The following SPATA13 variants were observed in gnomAD, a reference collection of about 807,000 sequenced individuals.
SPATA13 encodes the protein spermatogenesis associated 13, also known as spermatogenesis-associated protein 13.
Under a neutral mutation model 104.0 loss-of-function variants are expected in SPATA13, and 50 were observed. That is an observed-to-expected ratio of 0.48 (90% confidence interval 0.38 to 0.61). The LOEUF is 0.61. Ranked by LOEUF, SPATA13 falls within the 20% of genes least tolerant of loss-of-function variation. SPATA13 has a pLI of 0.00. For missense variants in SPATA13, 1,524 were observed against 1,690.6 expected (o/e 0.90, Z 1.73); for synonymous variants, 606 against 667.5 (o/e 0.91, Z 1.42).
intron 3 of SPATA13, among the ~76,000 whole-genome samples, chr13:24,069,383 A>G (rs968727779): frequency 4.6e-5 from 7 of 152,262 alleles, no homozygotes; most frequent in Admixed American, 2.0e-4. Context: ...CTTTTTGCCA[A>G]TTGTGAATGG....
intron 2 of SPATA13, among the ~76,000 whole-genome samples, chr13:24,234,777 T>C (rs1190743594): frequency 6.6e-6 from 1 of 152,158 alleles, no homozygotes; most frequent in African/African-American, 2.4e-5. Context: ...TGCCCTGCAC[T>C]GATCTAGTAA....
chr13:23,993,438 C>T (rs1875508582), intron 2 of SPATA13, among the ~76,000 whole-genome samples: 1 of 152,216 alleles, frequency 6.6e-6, no homozygotes, highest in Non-Finnish European at 1.5e-5. Flanking sequence ...ACATATTTCC[C>T]TTGTCTGCAC....
intron 3 of SPATA13, among the ~76,000 whole-genome samples, chr13:24,107,078 A>G (rs1035336813): frequency 1.3e-5 from 2 of 151,880 alleles, no homozygotes; most frequent in African/African-American, 2.4e-5. Context: ...GAAGAAATTT[A>G]TGCTTGCCAG....
intron 4 of SPATA13, among the ~76,000 whole-genome samples, chr13:24,264,238 T>C (rs1874190718): frequency 6.6e-6 from 1 of 152,086 alleles, no homozygotes; most frequent in African/African-American, 2.4e-5. Flanking sequence ...TTATTGAAAA[T>C]ATCGTCTGTC....
intron 2 of SPATA13, among the ~76,000 whole-genome samples, chr13:24,005,338 A>T (rs1876172738): frequency 6.6e-6 from 1 of 152,250 alleles, no homozygotes; most frequent in Admixed American, 6.5e-5. Context: ...TAGAGGCGAG[A>T]ATTGGAGATC....
rs375569975 is a variant in SPATA13 at position 24,289,124 on chromosome 13, G to T, written c.2793G>T (p.Gln931His). ...AGTTTCTGAAAGACCTTGAGAAACAGTACAACAAAGAGGAACCTCACTTAA... is the reference window on the plus strand; with the variant it reads ...AGTTTCTGAAAGACCTTGAGAAACATTACAACAAAGAGGAACCTCACTTAA... ...QRKFLKDLEK[Q>H]YNKEEPHLSE... The change falls in exon 8 of 13, where the codon CAG (glutamine) becomes CAT (histidine). Residue 931 changes from glutamine to histidine, a missense_variant. Around this residue, in one of 2 missense-constraint regions of SPATA13, gnomAD observed 435 missense variants for 554.8 expected, o/e 0.78. Coordinates refer to ENST00000382108, the MANE Select transcript of SPATA13 (RefSeq NM_001166271.3). 1 of 1,612,952 alleles carries T rather than the reference G, an allele frequency of 6.2e-7. No individual in the cohort carries two copies. The highest frequency in any genetic ancestry group is 1.3e-5 in the African/African-American group (1 of 74,872).
intron 3 of SPATA13, among the ~76,000 whole-genome samples, chr13:24,074,613 T>C (rs1472082167): frequency 6.8e-6 from 1 of 146,460 alleles, no homozygotes; most frequent in Non-Finnish European, 1.5e-5. Flanking sequence ...ATTATCTAAA[T>C]TTTACCAATG....
rs773591592 is a variant in SPATA13 at position 24,284,305 on chromosome 13, G to A, written c.2301+34G>A. 9.4e-6 allele frequency: 15 copies of A among 1,589,120 alleles called. No individual in the cohort carries two copies. In the South Asian group the frequency reaches 1.2e-4, roughly 13 times the overall value. On this transcript the variant is annotated intron_variant, in intron 5 of 12. Coordinates refer to ENST00000382108, the MANE Select transcript of SPATA13 (RefSeq NM_001166271.3). ...ATTCCACACGACAGTAGTGGATACG[G>A]GATACCTGATTTTCAGGGTCCACAA...
intron 3 of SPATA13, among the ~76,000 whole-genome samples, chr13:24,108,371 G>A (rs17080053): frequency 0.11 from 16,437 of 152,208 alleles, 1,054 homozygotes; most frequent in African/African-American, 0.17. Context: ...TTCTCTCAGT[G>A]TTGAACTTAA....
At position 24,286,121 on chromosome 13, in the gene SPATA13, C is replaced by G; in HGVS notation, c.2302-93C>G. 1 of 1,212,668 alleles carries G rather than the reference C, an allele frequency of 8.2e-7. No individual in the cohort carries two copies. The allele number at this position is 1,212,668 out of a possible 1,614,324, so 75.1% of individuals were successfully genotyped here. ...ACCAGCATATCCAAGTGAGAGGATACCAGTGTCACCCTGAGAGAGTGCACC... is the reference window on the plus strand; with the variant it reads ...ACCAGCATATCCAAGTGAGAGGATAGCAGTGTCACCCTGAGAGAGTGCACC... On this transcript the variant is annotated intron_variant, in intron 5 of 12. Transcript: ENST00000382108. This position sits in a 1 kb window ranked among gnomAD's most constrained non-coding sequence, Gnocchi z 4.9.
rs7993660 is a variant in SPATA13 at position 24,294,887 on chromosome 13, A to G, written c.3210+19A>G. ...CTGGGAGGTAAGTGGAAAGCACCCC[A>G]CATGATCCCATGCCACTCGCCCTTC... On this transcript the variant is annotated intron_variant, in intron 10 of 12. Transcript: ENST00000382108. 1,592,366 of 1,594,760 alleles carry G rather than the reference A, an allele frequency of 1. 795,023 individuals are homozygous for G. Among genetic ancestry groups the G allele is most frequent in the South Asian group, 1 (90,445 of 90,448 alleles).
intron 2 of SPATA13, among the ~76,000 whole-genome samples, chr13:24,004,106 G>A (rs1397985214): frequency 1.3e-5 from 2 of 152,152 alleles, no homozygotes; most frequent in Admixed American, 1.3e-4. Context: ...AGGGACTTGG[G>A]TTCCTTCCTA....
chr13:24,130,215 C>T (rs112045343), intron 3 of SPATA13, among the ~76,000 whole-genome samples: 1,977 of 152,262 alleles, frequency 0.013, 44 homozygotes, highest in African/African-American at 0.045. Context: ...CCCCTGCACC[C>T]GGGAGTCCAC....
intron 3 of SPATA13, among the ~76,000 whole-genome samples, chr13:24,042,084 G>A (rs1347409120): frequency 6.6e-6 from 1 of 152,060 alleles, no homozygotes; most frequent in African/African-American, 2.4e-5. Context: ...AACTCTAGGG[G>A]CAGCGCAAGC....
intron 1 of SPATA13, among the ~76,000 whole-genome samples, chr13:24,193,935 A>C (rs1170841819): frequency 6.6e-6 from 1 of 152,122 alleles, no homozygotes; most frequent in Non-Finnish European, 1.5e-5. Flanking sequence ...ATGAGTTTAG[A>C]AGGGTGGAAG....
At chr13:24,137,538 T>C (rs374299120) in intron 3 of SPATA13, among the ~76,000 whole-genome samples, 20 of 152,184 alleles carry the variant, frequency 1.3e-4, no homozygotes, top group African/African-American at 4.3e-4. Flanking sequence ...GGCGGGAGGA[T>C]CACTTGAGGC....
intron 2 of SPATA13, among the ~76,000 whole-genome samples, chr13:24,007,183 C>T (rs372862015): frequency 6.6e-6 from 1 of 152,160 alleles, no homozygotes; most frequent in East Asian, 1.9e-4. Flanking sequence ...GTGCCGGTTG[C>T]CTGGTGGCCC....
intron 3 of SPATA13, among the ~76,000 whole-genome samples, chr13:24,110,857 C>T (rs933744517): frequency 4.6e-5 from 7 of 152,118 alleles, no homozygotes; most frequent in African/African-American, 1.7e-4. Flanking sequence ...GTTTTTGGAC[C>T]CCTGCTAAAG....
rs756818873 is a variant in SPATA13, at chr13:24,297,712, G to A, written c.3560G>A (p.Arg1187Gln). The A allele has an allele frequency of 1.4e-5, 22 of 1,612,488 alleles. No homozygotes were observed. Among genetic ancestry groups the A allele is most frequent in the Non-Finnish European group, 1.8e-5 (21 of 1,178,848 alleles). The change falls in exon 11 of 13, where the codon CGG becomes CAG. Residue 1187 changes from arginine (R) to glutamine (Q), a missense_variant. By Grantham distance (43) the Arg-to-Gln change is conservative (BLOSUM62 1). Transcript: ENST00000382108. ...WLQACADERR[R>Q]VQEDKEMGME... Reference sequence around the variant, plus strand: ...CAGGCCTGTGCAGATGAAAGGAGGCGGGTGCAAGAGGACAAGGAGATGGGT... The same window carrying A: ...CAGGCCTGTGCAGATGAAAGGAGGCAGGTGCAAGAGGACAAGGAGATGGGT...
Sources: gnomAD v4.1 joint callset for allele counts (sites outside exome capture counted in the v4.1 genomes callset) on GRCh38, gnomAD v4.1.1 for gene constraint, gnomAD v4.1.1 regional missense constraint, Gnocchi (gnomAD v3.1) non-coding constraint, MANE v1.5 for transcripts, NCBI Gene and HGNC (gene_info 2026-07-23, HGNC 2026-07-21) for gene names.